Variants in FAH observed in about 807,000 individuals in gnomAD.
FAH encodes the protein fumarylacetoacetate hydrolase.
In FAH, 47 loss-of-function variants were observed where a neutral mutation model predicts 55.8. The observed-to-expected ratio is 0.84, with a 90% CI of 0.67 to 1.07. The LOEUF (loss-of-function observed/expected upper bound fraction) is 1.07, where lower values mean the gene tolerates loss of function less well. Among genes scored for constraint, FAH ranks in the 50% least tolerant of loss-of-function variants. The probability of loss-of-function intolerance (pLI) is 0.00; values close to 1 mark genes in which losing one functional copy is unlikely to be tolerated. For synonymous variants in FAH, 199 were observed against 207.7 expected (o/e 0.96, Z 0.36); for missense variants, 495 against 545.9 (o/e 0.91, Z 0.93).
At chr15:80,184,997 C>T (rs1345873993) in intron 13 of FAH, among the ~76,000 whole-genome samples, 1 of 152,142 alleles carries the variant, frequency 6.6e-6, no homozygotes, top group Non-Finnish European at 1.5e-5. Flanking sequence ...GTGGACCCCT[C>T]TCAAGGGCAG....
At chr15:80,175,156 C>A in intron 10 of FAH, 65 bp downstream of exon 10, 2 of 1,429,462 alleles carry the variant, frequency 1.4e-6, no homozygotes, top group African/African-American at 1.4e-5. Flanking sequence ...GTGCCTTGTC[C>A]TGAAGGCTCC....
intron 12 of FAH, among the ~76,000 whole-genome samples, 157 bp from the exon 13 acceptor site, chr15:80,180,885 A>G (rs917504777): frequency 1.3e-5 from 2 of 152,144 alleles, no homozygotes; most frequent in African/African-American, 2.4e-5. Flanking sequence ...TCTCAAAGGC[A>G]TCTCTGCAGT....
chr15:80,183,779 C>A (rs1180453026), intron 13 of FAH, among the ~76,000 whole-genome samples: 1 of 152,200 alleles, frequency 6.6e-6, no homozygotes, highest in Non-Finnish European at 1.5e-5. Flanking sequence ...ATTTTCTATT[C>A]CAAACAAGGC....
chr15:80,160,234 CA>C, intron 3 of FAH, 175 bp from the exon 4 acceptor site: 1 of 716,134 alleles, frequency 1.4e-6, no homozygotes, highest in Non-Finnish European at 2.5e-6. Context: ...GAAACGGCTT[CA>C]GTGGGTGGAT....
chr15:80,186,140 G>A lies in FAH; in HGVS notation c.1191G>A (p.Gln397=), dbSNP rs1249838634. Residue 397 remains glutamine (Q), a synonymous_variant, in exon 14 of 14, where the codon CAG becomes CAA. Transcript: ENST00000561421. ...CCTCCTCTGTTCCAGGGTACTGCCA[G>A]GGGGATGGTTACCGCATCGGCTTTG... ...GDEVIITGYC[Q]GDGYRIGFGQ... is the part of the protein sequence containing the mutation. 1 of 1,614,036 alleles carries A rather than the reference G, an allele frequency of 6.2e-7. No homozygotes were observed. Among genetic ancestry groups the A allele is most frequent in the Non-Finnish European group, 8.5e-7 (1 of 1,179,872 alleles).
chr15:80,184,206 CA>C (rs1381851506), intron 13 of FAH, among the ~76,000 whole-genome samples: 1 of 152,196 alleles, frequency 6.6e-6, no homozygotes, highest in Non-Finnish European at 1.5e-5. Flanking sequence ...CACTCTCCTT[CA>C]GATCTTTGAT....
chr15:80,186,676 G>C (rs955882436), downstream of FAH: 1 of 249,510 alleles, frequency 4.0e-6, no homozygotes, highest in Admixed American at 5.1e-5. Flanking sequence ...TGGGTTGCTG[G>C]CTGGAGACCC....
chr15:80,159,213 G>A lies in FAH; in HGVS notation c.193-543G>A, dbSNP rs1013337020. Among the ~76,000 whole-genome samples, 27 of 148,878 alleles carry A rather than the reference G, an allele frequency of 1.8e-4. 1 individual carries two copies. Among genetic ancestry groups the A allele is most frequent in the Non-Finnish European group, 3.1e-4 (21 of 67,422 alleles). On this transcript the variant is annotated intron_variant, in intron 2 of 13. Coordinates refer to ENST00000561421, the MANE Select transcript of FAH (RefSeq NM_000137.4). ...AGATCACATCAGTGCACTCCAGCCT[G>A]GGTGACAGAATGGGAAAAAAAAAAA...
rs771117713 is a variant in FAH at position 80,159,872 on chromosome 15, G to A, written c.309G>A (p.Arg103=). The change falls in exon 3 of 14, where the codon CGG becomes CGA. Residue 103 remains arginine (R), a synonymous_variant. Coordinates refer to ENST00000561421, the MANE Select transcript of FAH (RefSeq NM_000137.4). ...GGCTCAGAGATGACACCGAACTTCG[G>A]AAGTGGTGAGAAGCACGTGGTCATA... ...QARLRDDTEL[R]KCAFISQASA... 8 of 1,614,058 alleles carry A rather than the reference G, an allele frequency of 5.0e-6. No individual in the cohort carries two copies. Among genetic ancestry groups the A allele is most frequent in the Middle Eastern group, 1.6e-4 (1 of 6,080 alleles).
intron 9 of FAH, chr15:80,173,548 A>G: frequency 2.8e-6 from 1 of 352,648 alleles, no homozygotes; most frequent in South Asian, 2.2e-5. Flanking sequence ...GGAGCCCAGC[A>G]ACAGGGAGTC....
chr15:80,172,450 C>T (rs375735008), intron 8 of FAH, among the ~76,000 whole-genome samples: 2 of 151,844 alleles, frequency 1.3e-5, no homozygotes, highest in Non-Finnish European at 2.9e-5. Context: ...CCAATTTTCT[C>T]GAGTGGCTAG....
rs768265689 is a variant in FAH, at chr15:80,162,348, G to C, written c.455+12G>C. ...TTGATGCCAAATTGGTATGAACTGG[G>C]CCAAATGTCTGCATAAGTTCAAAGT... On this transcript the variant is annotated intron_variant, in intron 5 of 13. Transcript: ENST00000561421. The C allele has an allele frequency of 1.9e-6, 3 of 1,602,218 alleles. No individual in the cohort carries two copies. Among genetic ancestry groups the C allele is most frequent in the Non-Finnish European group, 2.6e-6 (3 of 1,169,112 alleles).
At chr15:80,157,593 TCCAAG>T (rs1454524906) in intron 1 of FAH, 1 of 232,746 alleles carries the variant, frequency 4.3e-6, no homozygotes, top group Non-Finnish European at 8.6e-6. Flanking sequence ...AGCTCATTAA[TCCAAG>T]CCACCTGGCC....
intron 11 of FAH, among the ~76,000 whole-genome samples, chr15:80,179,654 T>G (rs2041313017): frequency 6.6e-6 from 1 of 152,184 alleles, no homozygotes. Flanking sequence ...CATTGCCCAG[T>G]GTCCATCCCA....
At position 80,182,044 on chromosome 15, in the gene FAH, C is replaced by T. The variant is rs147157663; in HGVS notation, c.1180+885C>T. 3.6e-4 allele frequency among the ~76,000 whole-genome samples: 55 copies of T among 152,288 alleles called. No individual in the cohort carries two copies. The East Asian group carries it at 9.4e-3, about 26-fold the overall frequency. Reference sequence around the variant, plus strand: ...CTATAAGGTACAAGTTCAAAATCCTCGTGTTGGCAGTGCCATGTTCCTGGA... The same window carrying T: ...CTATAAGGTACAAGTTCAAAATCCTTGTGTTGGCAGTGCCATGTTCCTGGA... On this transcript the variant is annotated intron_variant, in intron 13 of 13. Transcript: ENST00000561421.
rs1360448518 is a variant in FAH, at chr15:80,175,008, C to T, written c.838-8C>T. 1 of 1,613,854 alleles carries T rather than the reference C, an allele frequency of 6.2e-7. No homozygotes were observed. ...CAGTGACCTCTGTGCTGTGCTTTGC[C>T]CTCTCAGGACCCCAGGCCCCTGCCG... On this transcript the variant is annotated splice_polypyrimidine_tract_variant and splice_region_variant and intron_variant, in intron 9 of 13. Transcript: ENST00000561421.
chr15:80,176,680 A>G (rs982921924), intron 10 of FAH, among the ~76,000 whole-genome samples: 2 of 152,186 alleles, frequency 1.3e-5, no homozygotes, highest in Admixed American at 6.5e-5. Flanking sequence ...GCCACCCACA[A>G]TGCGTGCTTG....
At chr15:80,161,223 A>G (rs930828153) in intron 4 of FAH, among the ~76,000 whole-genome samples, 10 of 150,414 alleles carry the variant, frequency 6.6e-5, no homozygotes, top group Non-Finnish European at 1.3e-4. Flanking sequence ...TGCAAACCAT[A>G]TGTCTTTCAG....
chr15:80,168,147 A>C lies in FAH; in HGVS notation c.551A>C (p.Asp184Ala). Residue 184 changes from aspartate to alanine, a missense_variant and splice_region_variant, in exon 6 of 14, where the codon GAC becomes GCC. Asp to Ala is a moderately radical substitution (Grantham distance 126). Transcript: ENST00000561421. ...CCCATGGGACAGATGAAACCTGATGACTGTGAGTGACCGCAGCGTCCAGGC... is the reference window on the plus strand; with the variant it reads ...CCCATGGGACAGATGAAACCTGATGCCTGTGAGTGACCGCAGCGTCCAGGC... Reference protein sequence around the residue: ...RRPMGQMKPDDSKPPVYGACK... With the variant: ...RRPMGQMKPDASKPPVYGACK... The C allele has an allele frequency of 4.3e-6, 7 of 1,613,528 alleles. No homozygotes were observed. Among genetic ancestry groups the C allele is most frequent in the Non-Finnish European group, 5.9e-6 (7 of 1,179,776 alleles).
Sources: gnomAD v4.1 joint callset for allele counts (sites outside exome capture counted in the v4.1 genomes callset) on GRCh38, gnomAD v4.1.1 for gene constraint, MANE v1.5 for transcripts, NCBI Gene and HGNC (gene_info 2026-07-23, HGNC 2026-07-21) for gene names.